The following ELFN1 variants were observed in gnomAD, a reference collection of about 807,000 sequenced individuals.
ELFN1 encodes the protein protein ELFN1.
ELFN1 carries 6 observed loss-of-function variants against 7.6 expected under a neutral mutation model. That is an observed-to-expected ratio of 0.79 (90% confidence interval 0.43 to 1.56). The LOEUF is 1.56. ELFN1 is among the 40% of genes most tolerant of loss of function. The probability of loss-of-function intolerance (pLI) is 0.01; values close to 1 mark genes in which losing one functional copy is unlikely to be tolerated. For missense variants in ELFN1, 1,169 were observed against 1,232.2 expected (o/e 0.95, Z 0.77); for synonymous variants, 657 against 588.1 (o/e 1.12, Z -1.70).
chr7:1,671,112 G>A (rs2128572405), intron 1 of ELFN1, among the ~76,000 whole-genome samples: 1 of 151,846 alleles, frequency 6.6e-6, no homozygotes, highest in East Asian at 2.0e-4. Flanking sequence ...GAAACCTGCA[G>A]GTCACCTGCT....
At chr7:1,744,022 C>T (rs146148635) in intron 3 of ELFN1, among the ~76,000 whole-genome samples, 1,664 of 152,266 alleles carry the variant, frequency 0.011, 33 homozygotes, top group African/African-American at 0.038. Context: ...GGCAGTGCCC[C>T]GTCCATTTTG....
chr7:1,737,547 G>A (rs983319095), intron 3 of ELFN1, among the ~76,000 whole-genome samples: 1 of 152,204 alleles, frequency 6.6e-6, no homozygotes, highest in Admixed American at 6.5e-5. Flanking sequence ...TCTTCGGGAA[G>A]GTCAAATGTG....
chr7:1,723,798 G>A (rs1444697963), intron 3 of ELFN1, among the ~76,000 whole-genome samples: 1 of 152,246 alleles, frequency 6.6e-6, no homozygotes, highest in Non-Finnish European at 1.5e-5. Context: ...GTGGCCACAT[G>A]CAGTGCCTGC....
intron 1 of ELFN1, among the ~76,000 whole-genome samples, chr7:1,677,359 C>T (rs925699210): frequency 2.6e-5 from 4 of 152,192 alleles, no homozygotes; most frequent in South Asian, 2.1e-4. Flanking sequence ...CTCAGGTATC[C>T]GGCACCCCGG....
chr7:1,680,528 G>T (rs904916515), intron 1 of ELFN1, among the ~76,000 whole-genome samples: 1 of 152,074 alleles, frequency 6.6e-6, no homozygotes, highest in Non-Finnish European at 1.5e-5. Context: ...CTTTACAGAG[G>T]CATCCTGTGC....
rs141931740 is a variant in ELFN1 at position 1,707,595 on chromosome 7, A to G, written c.-455-1496A>G. 3.4e-3 allele frequency among the ~76,000 whole-genome samples: 519 copies of G among 152,342 alleles called. 11 individuals are homozygous for G. Among genetic ancestry groups the G allele is most frequent in the East Asian group, 7.5e-3 (39 of 5,170 alleles). On this transcript the variant is annotated intron_variant, in intron 2 of 3. Transcript: ENST00000424383. ...GGCTCACAGAGCAAAGGCCTGGGGCAGAGCGGGTGTGGGCCTGGAAGCCTC... is the reference window on the plus strand; with the variant it reads ...GGCTCACAGAGCAAAGGCCTGGGGCGGAGCGGGTGTGGGCCTGGAAGCCTC...
intron 3 of ELFN1, among the ~76,000 whole-genome samples, chr7:1,730,156 T>A (rs542818403): frequency 1.3e-5 from 2 of 152,384 alleles, no homozygotes; most frequent in South Asian, 4.1e-4. Context: ...CGTGAAAATC[T>A]GGAAAGCACA....
intron 3 of ELFN1, among the ~76,000 whole-genome samples, chr7:1,716,936 G>C (rs973671183): frequency 6.6e-6 from 1 of 152,222 alleles, no homozygotes; most frequent in African/African-American, 2.4e-5. Context: ...ATGGGAGCCA[G>C]AGGGAAATTA....
intron 3 of ELFN1, among the ~76,000 whole-genome samples, chr7:1,715,347 G>C (rs1375713621): frequency 6.6e-6 from 1 of 152,186 alleles, no homozygotes; most frequent in Non-Finnish European, 1.5e-5. Context: ...GGTTCTCCCT[G>C]CTTCCGCCTC....
intron 1 of ELFN1, among the ~76,000 whole-genome samples, chr7:1,681,070 C>T (rs1251123137): frequency 6.6e-6 from 1 of 152,184 alleles, no homozygotes; most frequent in Admixed American, 6.5e-5. Context: ...GGACATTTCA[C>T]ATCAATGGGA....
intron 2 of ELFN1, among the ~76,000 whole-genome samples, chr7:1,707,533 C>G (rs962535461): frequency 6.6e-6 from 1 of 152,116 alleles, no homozygotes. Context: ...CAGGACCAAG[C>G]AAAGGAAGCA....
chr7:1,683,504 G>T (rs1779010703), intron 1 of ELFN1, among the ~76,000 whole-genome samples: 1 of 152,054 alleles, frequency 6.6e-6, no homozygotes, highest in African/African-American at 2.4e-5. Flanking sequence ...ACATACATTT[G>T]AAAACATTGT....
At chr7:1,672,169 C>A (rs1157310459) in intron 1 of ELFN1, among the ~76,000 whole-genome samples, 3 of 152,208 alleles carry the variant, frequency 2.0e-5, no homozygotes, top group Admixed American at 6.5e-5. Flanking sequence ...CAGAGCCACA[C>A]TCCTGAGGCC....
In ELFN1 at chr7:1,746,999, C is replaced by A; in HGVS notation, c.2403C>A (p.Arg801=). Residue 801 remains arginine, a synonymous_variant, in exon 4 of 4, where the codon CGC becomes CGA. Coordinates refer to ENST00000424383, the MANE Select transcript of ELFN1 (RefSeq NM_001128636.4). ...TCATGGCCGCGGGCCATGCCCTGCG[C>A]AAGAAGGTTCAGTTCGCCAAAGACG... ...EEFMAAGHAL[R]KKVQFAKDED... The A allele has an allele frequency of 6.4e-7, 1 of 1,565,468 alleles. No homozygotes were observed.
rs773552624 is a variant in ELFN1, at chr7:1,745,906, A to G, written c.1310A>G (p.Tyr437Cys). 1.3e-5 allele frequency: 21 copies of G among 1,583,370 alleles called. No individual in the cohort carries two copies. The South Asian group carries it at 2.3e-4, about 17-fold the overall frequency. Residue 437 changes from tyrosine to cysteine, a missense_variant, in exon 4 of 4, where the codon TAC (tyrosine) becomes TGC (cysteine). By Grantham distance (194) the Tyr-to-Cys change is radical. Coordinates refer to ENST00000424383, the MANE Select transcript of ELFN1 (RefSeq NM_001128636.4). ...ATGGTGCTGGTGCTGGGCGCCGTCTACTACTGCCTGCGCAGGCGGCGGCGC... is the reference window on the plus strand; with the variant it reads ...ATGGTGCTGGTGCTGGGCGCCGTCTGCTACTGCCTGCGCAGGCGGCGGCGC... ...FGMVLVLGAV[Y>C]YCLRRRRRQE...
At chr7:1,680,961 C>T (rs939710209) in intron 1 of ELFN1, among the ~76,000 whole-genome samples, 11 of 151,978 alleles carry the variant, frequency 7.2e-5, no homozygotes, top group Admixed American at 6.6e-5. Context: ...AGGCTGGTCT[C>T]GAACTCCTGA....
chr7:1,746,219 G>A lies in ELFN1; in HGVS notation c.1623G>A (p.Leu541=). The change falls in exon 4 of 4, where the codon CTG becomes CTA. Residue 541 remains leucine (L), a synonymous_variant. Coordinates refer to ENST00000424383, the MANE Select transcript of ELFN1 (RefSeq NM_001128636.4). ...CTCCGGAACGCAGGGACTGTGAGCTGGGCCGGCCGGGCCCCGACAGCCAGA... is the reference window on the plus strand; with the variant it reads ...CTCCGGAACGCAGGGACTGTGAGCTAGGCCGGCCGGGCCCCGACAGCCAGA... ...GDPPERRDCE[L]GRPGPDSQSS... The A allele has an allele frequency of 6.4e-7, 1 of 1,557,112 alleles. No homozygotes were observed. Among genetic ancestry groups the A allele is most frequent in the Non-Finnish European group, 8.7e-7 (1 of 1,152,186 alleles).
intron 2 of ELFN1, chr7:1,693,307 A>T: frequency 2.2e-6 from 1 of 457,658 alleles, no homozygotes; most frequent in Non-Finnish European, 4.6e-6. Flanking sequence ...CCATCGGGGC[A>T]GCCTCAGAAA....
In ELFN1 at chr7:1,746,606, C is replaced by A. The variant is rs777797921; in HGVS notation, c.2010C>A (p.Ile670=). The A allele has an allele frequency of 7.4e-7, 1 of 1,349,152 alleles. No individual in the cohort carries two copies. The highest frequency in any genetic ancestry group is 3.3e-5 in the East Asian group (1 of 30,468). 83.6% of individuals were successfully genotyped at this position (1,349,152 alleles called of 1,614,324 possible). Residue 670 remains isoleucine (I), a synonymous_variant, in exon 4 of 4, where the codon ATC becomes ATA. Transcript: ENST00000424383. ...CCGCGGCCGCCGAGGCCAAGTACAT[C>A]GAGAAGGGCTCCCCCGCGGCCGACG... The part of the protein sequence containing the change: ...HKAAAAEAKY[I]EKGSPAADAI...
Sources: gnomAD v4.1 joint callset for allele counts (sites outside exome capture counted in the v4.1 genomes callset) on GRCh38, gnomAD v4.1.1 for gene constraint, MANE v1.5 for transcripts, NCBI Gene and HGNC (gene_info 2026-07-23, HGNC 2026-07-21) for gene names.